SLC25A13: variants seen among roughly 807,000 people sequenced by gnomAD.
SLC25A13 encodes the protein solute carrier family 25 member 13.
A neutral mutation model predicts 85.5 loss-of-function variants in SLC25A13; 70 were observed. That is an observed-to-expected ratio of 0.82 (90% confidence interval 0.68 to 1.00). The LOEUF (loss-of-function observed/expected upper bound fraction) is 1.00. Among genes scored for constraint, SLC25A13 ranks in the 50% least tolerant of loss-of-function variants. SLC25A13 has a pLI of 0.00. For missense variants in SLC25A13, 765 were observed against 819.8 expected (o/e 0.93, Z 0.82); for synonymous variants, 259 against 288.7 (o/e 0.90, Z 1.04).
At chr7:96,296,420 C>A (rs943749626) in intron 2 of SLC25A13, among the ~76,000 whole-genome samples, 1 of 151,824 alleles carries the variant, frequency 6.6e-6, no homozygotes, top group Admixed American at 6.6e-5. Flanking sequence ...TCACAGTCAC[C>A]TACATTTTAA....
In SLC25A13 at chr7:96,171,537, A is replaced by C. The variant is rs377325226; in HGVS notation, c.1178-13T>G. On this transcript the variant is annotated splice_polypyrimidine_tract_variant and intron_variant, in intron 11 of 17. Coordinates refer to ENST00000265631, the MANE Select transcript of SLC25A13 (RefSeq NM_014251.3). The stretch of plus-strand genomic sequence containing the variant: ...TGTGGCAACAGACCTAAAAATCAAC[A>C]AAAAGTAGAAGTATATTAAATAAAT... The C allele has an allele frequency of 1.9e-6, 3 of 1,605,538 alleles. No individual in the cohort carries two copies. The African/African-American group carries it at 4.0e-5, about 21-fold the overall frequency.
At chr7:96,260,443 C>T (rs79031601) in intron 3 of SLC25A13, among the ~76,000 whole-genome samples, 16 of 151,938 alleles carry the variant, frequency 1.1e-4, no homozygotes, top group Non-Finnish European at 2.1e-4. Flanking sequence ...ACAAAAAAGA[C>T]CCCAATTCCC....
At chr7:96,173,366 T>G (rs971512303) in intron 11 of SLC25A13, among the ~76,000 whole-genome samples, 1 of 152,230 alleles carries the variant, frequency 6.6e-6, no homozygotes, top group African/African-American at 2.4e-5. Context: ...TAAAGTAATT[T>G]CTTCCAAGTT....
rs1390529056 is a variant in SLC25A13 at position 96,268,822 on chromosome 7, G to A, written c.212+8374C>T. ...CCATGCCCTGCACTTCCATGCTCCA[G>A]GCAAGCCAGCCTCTGCATTTCAAAA... On this transcript the variant is annotated intron_variant, in intron 3 of 17. Transcript: ENST00000265631. 2.6e-5 allele frequency among the ~76,000 whole-genome samples: 4 copies of A among 152,248 alleles called. No homozygotes were observed. In the East Asian group the frequency reaches 7.7e-4, roughly 29 times the overall value.
At chr7:96,288,571 T>C (rs1189667008) in intron 2 of SLC25A13, among the ~76,000 whole-genome samples, 1 of 152,178 alleles carries the variant, frequency 6.6e-6, no homozygotes, top group Non-Finnish European at 1.5e-5. Context: ...ACTCCCACCC[T>C]AATACTGCGC....
At chr7:96,163,298 AAG>A (rs926557335) in intron 13 of SLC25A13, among the ~76,000 whole-genome samples, 27 of 152,274 alleles carry the variant, frequency 1.8e-4, no homozygotes, top group Middle Eastern at 3.4e-3. Context: ...AATGTTTGAA[AAG>A]ACCAAGCTAC....
Position 96,189,504 on chromosome 7 carries a change from T to C in SLC25A13, c.848+77A>G, listed in dbSNP as rs185734823. On this transcript the variant is annotated intron_variant, in intron 8 of 17. Coordinates refer to ENST00000265631, the MANE Select transcript of SLC25A13 (RefSeq NM_014251.3). ...TATAGCCTTCAGTTTGGCTTCTTTT[T>C]CTCCTGATTGCTGCCCTCCTCCTAA... 4.5e-6 allele frequency: 7 copies of C among 1,545,330 alleles called. No individual in the cohort carries two copies. The African/African-American group carries it at 9.5e-5, about 21-fold the overall frequency.
At chr7:96,233,892 A>G (rs1190200813) in intron 4 of SLC25A13, among the ~76,000 whole-genome samples, 1 of 152,376 alleles carries the variant, frequency 6.6e-6, no homozygotes. Context: ...CAAGACAGGC[A>G]GAAGTCCTGT....
At chr7:96,184,715 A>G in intron 10 of SLC25A13, 1 of 635,352 alleles carries the variant, frequency 1.6e-6, no homozygotes, top group South Asian at 2.0e-5. Flanking sequence ...TGATCTGTAG[A>G]TAGAGGAAAA....
chr7:96,189,714 A>G, intron 7 of SLC25A13, 40 bp from the exon 8 acceptor site: 1 of 1,531,424 alleles, frequency 6.5e-7, no homozygotes, highest in Non-Finnish European at 9.0e-7. Context: ...ATTCAAGAAG[A>G]AATAGCCACT....
chr7:96,155,071 G>C (rs1307520573), intron 13 of SLC25A13, among the ~76,000 whole-genome samples: 1 of 152,062 alleles, frequency 6.6e-6, no homozygotes, highest in African/African-American at 2.4e-5. Context: ...AAGTGCTGGG[G>C]TGACAGGTGT....
chr7:96,178,916 C>A (rs1018114433), intron 11 of SLC25A13, among the ~76,000 whole-genome samples: 1 of 151,554 alleles, frequency 6.6e-6, no homozygotes, highest in African/African-American at 2.4e-5. Flanking sequence ...TGGGCTGCTA[C>A]CCCAAGGTGG....
chr7:96,239,036 T>A (rs1350451555), intron 3 of SLC25A13, among the ~76,000 whole-genome samples: 1 of 37,226 alleles, frequency 2.7e-5, no homozygotes, highest in East Asian at 7.3e-4. Context: ...GACTATATAT[T>A]TTATATATAT....
At chr7:96,195,339 C>G (rs960570868) in intron 5 of SLC25A13, among the ~76,000 whole-genome samples, 1 of 152,186 alleles carries the variant, frequency 6.6e-6, no homozygotes, top group Non-Finnish European at 1.5e-5. Context: ...CCAGAGTAAA[C>G]CAGTTACCAA....
At chr7:96,197,105 C>G (rs1422889494) in intron 5 of SLC25A13, among the ~76,000 whole-genome samples, 2 of 152,190 alleles carry the variant, frequency 1.3e-5, no homozygotes, top group Non-Finnish European at 2.9e-5. Flanking sequence ...CCCCAGCCCT[C>G]TATCTACCCA....
intron 3 of SLC25A13, among the ~76,000 whole-genome samples, chr7:96,253,194 G>C (rs1797502099): frequency 6.6e-6 from 1 of 152,188 alleles, no homozygotes; most frequent in Non-Finnish European, 1.5e-5. Context: ...AGAATCTGAA[G>C]AGGAAAGTGC....
chr7:96,296,853 G>A (rs77834136), intron 2 of SLC25A13, 45 bp downstream of exon 2: 2 of 1,514,816 alleles, frequency 1.3e-6, no homozygotes, highest in African/African-American at 1.4e-5. Context: ...AAAAGTTATA[G>A]AACACAAATC....
chr7:96,265,684 G>A (rs75979871), intron 3 of SLC25A13, among the ~76,000 whole-genome samples: 122 of 152,330 alleles, frequency 8.0e-4, no homozygotes, highest in African/African-American at 2.9e-3. Context: ...GATGATGAAT[G>A]TGTAATGAAG....
At chr7:96,215,396 G>A (rs1021921989) in intron 4 of SLC25A13, among the ~76,000 whole-genome samples, 3 of 151,994 alleles carry the variant, frequency 2.0e-5, no homozygotes, top group Non-Finnish European at 4.4e-5. Context: ...CGCCTGGCAC[G>A]AATTTGGATT....
Sources: allele counts gnomAD v4.1 joint callset (sites outside exome capture counted in the v4.1 genomes callset), GRCh38; gene constraint gnomAD v4.1.1; transcripts MANE v1.5; gene names NCBI Gene and HGNC (gene_info 2026-07-23, HGNC 2026-07-21).